Variants in BPHL observed in about 807,000 individuals in gnomAD.
The protein encoded by BPHL is serine hydrolase BPHL.
Under a neutral mutation model 31.2 loss-of-function variants are expected in BPHL, and 27 were observed. The ratio of observed to expected loss-of-function variants is 0.87; its 90% CI spans 0.64 to 1.19. The LOEUF is 1.19. Among genes scored for constraint, BPHL ranks in the 50% most tolerant of loss-of-function variants. BPHL has a pLI of 0.00. For synonymous variants in BPHL, 150 were observed against 146.8 expected (o/e 1.02, Z -0.16); for missense variants, 356 against 375.7 (o/e 0.95, Z 0.43).
At chr6:3,127,497 A>G in intron 3 of BPHL, 89 bp downstream of exon 3, 1 of 1,140,542 alleles carries the variant, frequency 8.8e-7, no homozygotes, top group South Asian at 2.4e-5. Flanking sequence ...ATATTTTTCT[A>G]CAAAATAATA....
intron 6 of BPHL, among the ~76,000 whole-genome samples, chr6:3,141,375 G>GTTTT (rs553898894): frequency 1.3e-5 from 2 of 151,168 alleles, no homozygotes; most frequent in African/African-American, 4.9e-5. Context: ...GAGGGAGTTG[G>GTTTT]TTTTTTTTTG....
At chr6:3,126,343 C>A (rs1761710350) in intron 2 of BPHL, among the ~76,000 whole-genome samples, 1 of 152,000 alleles carries the variant, frequency 6.6e-6, no homozygotes, top group Non-Finnish European at 1.5e-5. Context: ...ATAGAGATCC[C>A]TCTCATGTGT....
chr6:3,137,904 C>T (rs1293611573), intron 5 of BPHL: 30 of 992,138 alleles, frequency 3.0e-5, no homozygotes, highest in African/African-American at 2.0e-4. Context: ...TGTCTCCCCA[C>T]GAGGACACTG....
rs78323138 is a variant in BPHL, at chr6:3,119,653, T to C, written c.107+806T>C. 9 of 1,178,762 alleles carry C rather than the reference T, an allele frequency of 7.6e-6. No individual in the cohort carries two copies. The East Asian group carries it at 1.9e-4, about 25-fold the overall frequency. The allele number at this position is 1,178,762 out of a possible 1,614,324, so 73.0% of individuals were successfully genotyped here. A position where few individuals can be genotyped will look rare whatever the true frequency, so the allele number is the denominator to read the frequency against. On this transcript the variant is annotated intron_variant, in intron 1 of 6. Transcript: ENST00000380379. ...TTACTTTATTCTCTACATACATCCC[T>C]ACACACATGCAAACACACGTATACA...
rs1399562374 is a variant in BPHL at position 3,145,699 on chromosome 6, CA to C, written c.788+5191del. ...TGCTGGTTTGGGTCGAGTGCTGGTT[CA>C]GGTTGGAGTGCTGGTTCCAGCTGGA... On this transcript the variant is annotated intron_variant, in intron 6 of 6. Coordinates refer to ENST00000380379, the MANE Select transcript of BPHL (RefSeq NM_004332.4). Among the ~76,000 whole-genome samples the C allele has an allele frequency of 1.2e-4, 5 of 40,468 alleles. 1 individual carries two copies. Among genetic ancestry groups the C allele is most frequent in the African/African-American group, 3.8e-4 (4 of 10,564 alleles). 26.5% of individuals were successfully genotyped at this position (40,468 alleles called of 152,430 possible).
rs187920475 is a variant in BPHL at position 3,147,222 on chromosome 6, C to T, written c.789-5266C>T. On this transcript the variant is annotated intron_variant, in intron 6 of 6. Transcript: ENST00000380379. ...GCTGCAGTGAGCCATGATCATGCCA[C>T]AGCGCTCCAGCCTGGGTGTAGGAAT... Among the ~76,000 whole-genome samples, 374 of 152,038 alleles carry T rather than the reference C, an allele frequency of 2.5e-3. 5 individuals are homozygous for T. Among genetic ancestry groups the T allele is most frequent in the Admixed American group, 0.024 (363 of 15,276 alleles).
Position 3,118,765 on chromosome 6 carries a change from GGCGTGTTGC to G in BPHL, c.28_36del (p.Val10_Arg12del). 8.0e-7 allele frequency: 1 copy of G among 1,256,512 alleles called. No individual in the cohort carries two copies. The highest frequency in any genetic ancestry group is 1.0e-6 in the Non-Finnish European group (1 of 996,760). 77.8% of individuals were successfully genotyped at this position (1,256,512 alleles called of 1,614,324 possible). A position where few individuals can be genotyped will look rare whatever the true frequency, so the allele number is the denominator to read the frequency against. On this transcript the variant is annotated inframe_deletion, in exon 1 of 7. Coordinates refer to ENST00000380379, the MANE Select transcript of BPHL (RefSeq NM_004332.4). ...CATGGTGGCTGTGCTGGGCGGCCGG[GGCGTGTTGC>G]GCCTGCGGCTGCTTCTCTCAGCGCT... is the stretch of plus-strand genomic sequence containing the variant.
At chr6:3,120,148 C>G (rs1761525537) in intron 1 of BPHL, among the ~76,000 whole-genome samples, 1 of 152,062 alleles carries the variant, frequency 6.6e-6, no homozygotes, top group Non-Finnish European at 1.5e-5. Flanking sequence ...ATTCTCGTGG[C>G]CTCAGCCTCC....
At chr6:3,129,805 GTTTTTTTTT>G (rs112506760) in intron 4 of BPHL, among the ~76,000 whole-genome samples, 1 of 136,562 alleles carries the variant, frequency 7.3e-6, no homozygotes, top group East Asian at 2.1e-4. Context: ...TGTCTTTGAG[GTTTTTTTTT>G]TTTTTTTTTG....
chr6:3,129,933 A>G (rs1407385615), intron 4 of BPHL, among the ~76,000 whole-genome samples: 3 of 151,522 alleles, frequency 2.0e-5, no homozygotes, highest in African/African-American at 7.3e-5. Context: ...CACCCTCCCA[A>G]GTAGCTGGGA....
intron 6 of BPHL, among the ~76,000 whole-genome samples, chr6:3,142,047 T>G (rs1762191139): frequency 6.6e-6 from 1 of 152,172 alleles, no homozygotes. Context: ...TATAAAATTA[T>G]AATACTAAGT....
Position 3,123,846 on chromosome 6 carries a change from A to T in BPHL, c.211+86A>T. On this transcript the variant is annotated intron_variant, in intron 2 of 6. Transcript: ENST00000380379. Reference sequence around the variant, plus strand: ...TACTAGATGCCAAATACTGATGATTAATTTTAGTGCTTTTTTGAAATGTTT... The same window carrying T: ...TACTAGATGCCAAATACTGATGATTTATTTTAGTGCTTTTTTGAAATGTTT... 6 of 1,070,152 alleles carry T rather than the reference A, an allele frequency of 5.6e-6. No individual in the cohort carries two copies. The South Asian group carries it at 1.0e-4, about 18-fold the overall frequency. The allele number at this position is 1,070,152 out of a possible 1,614,324, so 66.3% of individuals were successfully genotyped here.
chr6:3,141,537 T>C (rs1762176894), intron 6 of BPHL, among the ~76,000 whole-genome samples: 2 of 152,152 alleles, frequency 1.3e-5, no homozygotes, highest in Non-Finnish European at 2.9e-5. Flanking sequence ...CCAGCTAATT[T>C]TTTGTATTTT....
upstream of BPHL, chr6:3,118,683 G>A (rs1366928318): frequency 5.9e-6 from 7 of 1,189,718 alleles, no homozygotes; most frequent in African/African-American, 1.1e-4. Flanking sequence ...AGAGTGGGCC[G>A]GGTACCGCGC....
In BPHL at chr6:3,140,336, G is replaced by A. The variant is rs761158202; in HGVS notation, c.665-50G>A. 4.6e-5 allele frequency: 74 copies of A among 1,609,064 alleles called. No homozygotes were observed. The highest frequency in any genetic ancestry group is 1.9e-4 in the African/African-American group (14 of 74,904). ...TCGCCGAGTTTCGCCTCCTCTGACC[G>A]CGTAGAATGGTTGCACTAAAGCAGA... On this transcript the variant is annotated intron_variant, in intron 5 of 6. Transcript: ENST00000380379. This position sits in a 1 kb window ranked among gnomAD's most constrained non-coding sequence, Gnocchi z 5.2.
chr6:3,124,336 T>G (rs184891074), intron 2 of BPHL, among the ~76,000 whole-genome samples: 1 of 152,152 alleles, frequency 6.6e-6, no homozygotes, highest in African/African-American at 2.4e-5. Context: ...GGAGTTCAGA[T>G]GTAGAAAGTT....
intron 4 of BPHL, among the ~76,000 whole-genome samples, chr6:3,135,039 C>A (rs995588812): frequency 6.6e-6 from 1 of 152,186 alleles, no homozygotes; most frequent in Non-Finnish European, 1.5e-5. Flanking sequence ...GCCGCCCGGC[C>A]TCACAATGTT....
At chr6:3,132,580 C>T (rs59522183) in intron 4 of BPHL, among the ~76,000 whole-genome samples, 13,303 of 152,126 alleles carry the variant, frequency 0.087, 1,727 homozygotes, top group African/African-American at 0.28. Flanking sequence ...CCTGTAATCC[C>T]AGCACTTTGG....
Position 3,149,155 on chromosome 6 carries a change from G to A in BPHL, c.789-3333G>A, listed in dbSNP as rs1015412992. 6.6e-6 allele frequency among the ~76,000 whole-genome samples: 1 copy of A among 152,182 alleles called. No homozygotes were observed. Among genetic ancestry groups the A allele is most frequent in the Non-Finnish European group, 1.5e-5 (1 of 68,040 alleles). ...ATGAGGAATTGTGACTCAGGGAGATGGATGTAGCCTGTCAGTATGGACTCT... is the reference window on the plus strand; with the variant it reads ...ATGAGGAATTGTGACTCAGGGAGATAGATGTAGCCTGTCAGTATGGACTCT... On this transcript the variant is annotated intron_variant, in intron 6 of 6. Coordinates refer to ENST00000380379, the MANE Select transcript of BPHL (RefSeq NM_004332.4). The surrounding 1 kb of genome is among the most constrained non-coding windows in gnomAD (Gnocchi z 4.6).
Sources: gnomAD v4.1 joint callset for allele counts (sites outside exome capture counted in the v4.1 genomes callset) on GRCh38, gnomAD v4.1.1 for gene constraint, Gnocchi (gnomAD v3.1) non-coding constraint, MANE v1.5 for transcripts, NCBI Gene and HGNC (gene_info 2026-07-23, HGNC 2026-07-21) for gene names.